Variants in CDH4 observed in about 807,000 individuals in gnomAD.
CDH4 encodes cadherin 4.
Under a neutral mutation model 86.0 loss-of-function variants are expected in CDH4, and 33 were observed. The observed-to-expected ratio is 0.38, with a 90% confidence interval of 0.29 to 0.51. CDH4 has a LOEUF of 0.51. Among genes scored for constraint, CDH4 ranks in the 20% least tolerant of loss-of-function variants. The pLI is 0.86. For missense variants in CDH4, 1,114 were observed against 1,307.4 expected (o/e 0.85, Z 2.28); for synonymous variants, 555 against 549.4 (o/e 1.01, Z -0.14).
intron 4 of CDH4, among the ~76,000 whole-genome samples, chr20:61,820,481 A>G (rs1434759502): frequency 2.0e-5 from 3 of 152,218 alleles, no homozygotes; most frequent in Admixed American, 6.5e-5. Context: ...TCACCCAAGG[A>G]GGCTCCTCAG....
At chr20:61,718,680 C>T (rs2087993310) in intron 2 of CDH4, 2 of 394,812 alleles carry the variant, frequency 5.1e-6, no homozygotes, top group African/African-American at 2.1e-5. Flanking sequence ...GCCAGAGGAG[C>T]CTGCATGACA....
At chr20:61,690,685 C>T (rs539901578) in intron 2 of CDH4, among the ~76,000 whole-genome samples, 123 of 152,122 alleles carry the variant, frequency 8.1e-4, no homozygotes, top group Non-Finnish European at 1.2e-3. Flanking sequence ...GAGAGGAGGG[C>T]GGGGACAACT....
chr20:61,900,181 G>A lies in CDH4; in HGVS notation c.1188+5134G>A, dbSNP rs925273004. Reference sequence around the variant, plus strand: ...TCCCCAGCCCCTCAAGCCTGGCTGCGTGCCCACTCTGGCCAAGCCCTGTGA... The same window carrying A: ...TCCCCAGCCCCTCAAGCCTGGCTGCATGCCCACTCTGGCCAAGCCCTGTGA... On this transcript the variant is annotated intron_variant, in intron 8 of 15. Coordinates refer to ENST00000614565, the MANE Select transcript of CDH4 (RefSeq NM_001794.5). Among the ~76,000 whole-genome samples the A allele has an allele frequency of 3.9e-5, 6 of 152,166 alleles. No individual in the cohort carries two copies. In the South Asian group the frequency reaches 1.0e-3, roughly 26 times the overall value.
chr20:61,861,274 T>C (rs559806340), intron 6 of CDH4, among the ~76,000 whole-genome samples: 146 of 152,244 alleles, frequency 9.6e-4, no homozygotes, highest in African/African-American at 3.2e-3. Flanking sequence ...ATCACAGAAA[T>C]GCGGCCGGCG....
At chr20:61,330,326 G>A (rs4812303) in intron 2 of CDH4, among the ~76,000 whole-genome samples, 1 of 151,844 alleles carries the variant, frequency 6.6e-6, no homozygotes. Flanking sequence ...TAATTTACAC[G>A]CCCACCAACA....
chr20:61,504,092 A>G (rs538204402), intron 2 of CDH4, among the ~76,000 whole-genome samples: 7 of 152,328 alleles, frequency 4.6e-5, no homozygotes, highest in African/African-American at 1.7e-4. Flanking sequence ...CTTGGGAACA[A>G]GGACCTCACT....
intron 2 of CDH4, among the ~76,000 whole-genome samples, chr20:61,730,403 C>T (rs1019957189): frequency 6.6e-5 from 10 of 152,164 alleles, no homozygotes; most frequent in African/African-American, 1.7e-4. Context: ...TGGAATCCTA[C>T]GGGTATGCAA....
At chr20:61,657,113 G>A (rs6061702) in intron 2 of CDH4, among the ~76,000 whole-genome samples, 51,137 of 152,064 alleles carry the variant, frequency 0.34, 8,776 homozygotes, top group East Asian at 0.57. Flanking sequence ...CCAAACGCAC[G>A]CTCAGTCCTT....
intron 2 of CDH4, among the ~76,000 whole-genome samples, chr20:61,295,554 C>T (rs533998230): frequency 2.0e-5 from 3 of 152,230 alleles, no homozygotes; most frequent in Admixed American, 6.5e-5. Flanking sequence ...GATTTCAATA[C>T]TTATCAGTAT....
rs144101487 is a variant in CDH4 at position 61,322,028 on chromosome 20, A to G, written c.169+67091A>G. The stretch of plus-strand genomic sequence containing the variant: ...GAGGCTCAGGAAGGTGACATTGAAC[A>G]TGAAACCCCATGCTTGAGGTTACGT... On this transcript the variant is annotated intron_variant, in intron 2 of 15. Transcript: ENST00000614565. Among the ~76,000 whole-genome samples, 1,117 of 152,292 alleles carry G rather than the reference A, an allele frequency of 7.3e-3. 22 individuals are homozygous for G. Among genetic ancestry groups the G allele is most frequent in the South Asian group, 0.052 (251 of 4,826 alleles).
intron 2 of CDH4, among the ~76,000 whole-genome samples, chr20:61,508,601 G>A (rs1319308885): frequency 6.6e-6 from 1 of 152,234 alleles, no homozygotes; most frequent in East Asian, 1.9e-4. Flanking sequence ...AGGGGCATGT[G>A]TTCAGGAGGA....
chr20:61,721,222 G>A (rs767711216), intron 2 of CDH4, among the ~76,000 whole-genome samples: 17 of 152,328 alleles, frequency 1.1e-4, no homozygotes, highest in Non-Finnish European at 1.9e-4. Context: ...CCTTCACTGA[G>A]AGCATGCTTT....
intron 3 of CDH4, among the ~76,000 whole-genome samples, chr20:61,750,058 C>CA (rs894983182): frequency 1.6e-4 from 24 of 148,536 alleles, no homozygotes; most frequent in African/African-American, 3.0e-4. Context: ...AAGACCCTAT[C>CA]AAAAAAAAAG....
intron 2 of CDH4, among the ~76,000 whole-genome samples, chr20:61,403,425 T>TG (rs2085061227): frequency 6.6e-6 from 1 of 152,172 alleles, no homozygotes; most frequent in Non-Finnish European, 1.5e-5. Flanking sequence ...TCCCAGTTGT[T>TG]GCTTTGCTTC....
chr20:61,701,005 C>T (rs1482368084), intron 2 of CDH4, among the ~76,000 whole-genome samples: 1 of 152,234 alleles, frequency 6.6e-6, no homozygotes, highest in East Asian at 1.9e-4. Flanking sequence ...GGTGTATGCT[C>T]TCGCTGCTCT....
chr20:61,605,451 T>C (rs533785596), intron 2 of CDH4, among the ~76,000 whole-genome samples: 3 of 151,402 alleles, frequency 2.0e-5, no homozygotes, highest in African/African-American at 7.3e-5. Context: ...CTCTCTCTCT[T>C]TCTCTGTCTC....
chr20:61,801,671 T>C (rs564665682), intron 4 of CDH4, among the ~76,000 whole-genome samples: 1 of 138,670 alleles, frequency 7.2e-6, no homozygotes, highest in Admixed American at 7.3e-5. Flanking sequence ...CCCTTTCCCG[T>C]TTCTAGAGGC....
intron 2 of CDH4, among the ~76,000 whole-genome samples, chr20:61,413,279 G>T (rs1374607751): frequency 6.6e-6 from 1 of 151,562 alleles, no homozygotes; most frequent in Non-Finnish European, 1.5e-5. Flanking sequence ...CCAGCTGGTT[G>T]TGTTTCTCTT....
chr20:61,806,553 G>A (rs559268093), intron 4 of CDH4, among the ~76,000 whole-genome samples: 18 of 129,700 alleles, frequency 1.4e-4, no homozygotes, highest in Non-Finnish European at 2.9e-4. Context: ...CCACGCGCAC[G>A]CACACACATG....
Sources: allele counts gnomAD v4.1 joint callset (sites outside exome capture counted in the v4.1 genomes callset), GRCh38; gene constraint gnomAD v4.1.1; transcripts MANE v1.5; gene names NCBI Gene and HGNC (gene_info 2026-07-23, HGNC 2026-07-21).